The following PTPRA variants were observed in gnomAD, a reference collection of about 807,000 sequenced individuals.
The protein encoded by PTPRA is protein tyrosine phosphatase receptor type A, also known as receptor-type tyrosine-protein phosphatase alpha.
Under a neutral mutation model 104.8 loss-of-function variants are expected in PTPRA, and 25 were observed. The ratio of observed to expected loss-of-function variants is 0.24; its 90% CI spans 0.17 to 0.33. The LOEUF (loss-of-function observed/expected upper bound fraction) is 0.33. PTPRA is among the 10% of genes least tolerant of loss of function. The probability of loss-of-function intolerance (pLI) is 1.00; values close to 1 mark genes in which losing one functional copy is unlikely to be tolerated. For missense variants in PTPRA, 765 were observed against 1,015.3 expected (o/e 0.75, Z 3.35); for synonymous variants, 323 against 368.9 (o/e 0.88, Z 1.43).
chr20:2,964,339 A>G lies in PTPRA; in HGVS notation c.62A>G (p.Asn21Ser), dbSNP rs748656242. 1.3e-5 allele frequency: 21 copies of G among 1,599,796 alleles called. No individual in the cohort carries two copies. Among genetic ancestry groups the G allele is most frequent in the East Asian group, 4.5e-5 (2 of 44,676 alleles). The change falls in exon 4 of 24, where the codon AAT (asparagine) becomes AGT (serine). Residue 21 changes from asparagine (N) to serine (S), a missense_variant. Physicochemically the swap from Asn to Ser is conservative, Grantham distance 46. Coordinates refer to ENST00000399903, the MANE Select transcript of PTPRA (RefSeq NM_001385305.1). ...GSGLICVSAN[N>S]ATTVAPSVGI... ...GGTCTGATATGTGTCAGTGCCAACA[A>G]TGCTACCACAGGTAAATTGTCATTT...
At chr20:3,019,947 G>A (rs1325650111) in intron 13 of PTPRA, among the ~76,000 whole-genome samples, 2 of 151,904 alleles carry the variant, frequency 1.3e-5, no homozygotes, top group Admixed American at 6.5e-5. Flanking sequence ...GGCGGCGCGC[G>A]CCTGCAATCG....
At chr20:2,927,790 A>G (rs1283203820) in intron 2 of PTPRA, among the ~76,000 whole-genome samples, 1 of 152,084 alleles carries the variant, frequency 6.6e-6, no homozygotes, top group East Asian at 1.9e-4. Context: ...CAGGTGGATC[A>G]CTTGAGGCCA....
intron 20 of PTPRA, among the ~76,000 whole-genome samples, chr20:3,034,552 AT>A (rs11478677): frequency 0.23 from 33,578 of 143,504 alleles, 3,734 homozygotes; most frequent in East Asian, 0.38. Context: ...CTTAATGAGA[AT>A]TTTTTTTTTT....
rs548739921 is a variant in PTPRA, at chr20:2,884,589, C to T, written c.-129+10829C>T. The stretch of plus-strand genomic sequence containing the variant: ...TATGTTCTTTGGGGAAATGTCTGTT[C>T]AGATACTTGGCTCATTTTAAAATTT... On this transcript the variant is annotated intron_variant, in intron 1 of 23. Coordinates refer to ENST00000399903, the MANE Select transcript of PTPRA (RefSeq NM_001385305.1). 2.0e-5 allele frequency among the ~76,000 whole-genome samples: 3 copies of T among 152,216 alleles called. No individual in the cohort carries two copies. The South Asian group carries it at 6.2e-4, about 32-fold the overall frequency.
At chr20:2,873,066 A>T (rs574383080), upstream of PTPRA, among the ~76,000 whole-genome samples, 2 of 152,284 alleles carry the variant, frequency 1.3e-5, no homozygotes, top group African/African-American at 4.8e-5. The surrounding 1 kb of genome is among the most constrained non-coding windows in gnomAD (Gnocchi z 4.4). Context: ...GGGGAGGGAA[A>T]AAAAAGACCC....
chr20:2,959,952 A>C (rs569961728), intron 3 of PTPRA, among the ~76,000 whole-genome samples: 1 of 152,066 alleles, frequency 6.6e-6, no homozygotes, highest in Non-Finnish European at 1.5e-5. Flanking sequence ...CTCCGTCCTA[A>C]AAAAAGAAAG....
chr20:2,946,213 A>T (rs2061124682), intron 2 of PTPRA, among the ~76,000 whole-genome samples: 1 of 152,026 alleles, frequency 6.6e-6, no homozygotes, highest in African/African-American at 2.4e-5. Flanking sequence ...ATGTGGGAGG[A>T]GGGAGGGGAG....
chr20:2,998,972 T>G (rs1600231996), intron 9 of PTPRA, among the ~76,000 whole-genome samples: 1 of 137,626 alleles, frequency 7.3e-6, no homozygotes, highest in African/African-American at 3.4e-5. Flanking sequence ...TATGACATTA[T>G]AGAATTAATA....
At chr20:2,923,665 G>A (rs2060182233) in intron 2 of PTPRA, among the ~76,000 whole-genome samples, 1 of 152,050 alleles carries the variant, frequency 6.6e-6, no homozygotes, top group African/African-American at 2.4e-5. Context: ...CAGATGTGGT[G>A]GCATGTGCCT....
chr20:2,868,942 T>C (rs927153416), upstream of PTPRA, among the ~76,000 whole-genome samples: 1 of 152,218 alleles, frequency 6.6e-6, no homozygotes. Context: ...CAAATGTATA[T>C]CAACAGTGAT....
intron 13 of PTPRA, 48 bp from the exon 14 acceptor site, chr20:3,021,261 A>G: frequency 6.2e-7 from 1 of 1,611,420 alleles, no homozygotes; most frequent in Non-Finnish European, 8.5e-7. Context: ...TGCATCTGCC[A>G]TGGGCAGGAG....
intron 20 of PTPRA, among the ~76,000 whole-genome samples, chr20:3,030,549 A>G (rs371925231): frequency 6.6e-6 from 1 of 152,206 alleles, no homozygotes; most frequent in Non-Finnish European, 1.5e-5. Context: ...ACACTTATAC[A>G]GTGACACTAC....
At chr20:2,866,682 G>A in the PTPRA span, 4,049 of 1,490,246 alleles carry the variant, frequency 2.7e-3, 44 homozygotes, top group South Asian at 0.023. Flanking sequence ...GCTGAGGAGC[G>A]GGGGCATGGT....
chr20:2,904,615 C>T (rs542868637), intron 1 of PTPRA, among the ~76,000 whole-genome samples: 34 of 148,606 alleles, frequency 2.3e-4, no homozygotes, highest in African/African-American at 8.2e-4. Flanking sequence ...TTGCAGTGAG[C>T]CGAGATCACA....
At chr20:2,931,275 A>G (rs1468872047) in intron 2 of PTPRA, among the ~76,000 whole-genome samples, 2 of 152,192 alleles carry the variant, frequency 1.3e-5, no homozygotes, top group African/African-American at 4.8e-5. Flanking sequence ...TGCAAGTAGA[A>G]AGACCAGAGA....
chr20:3,011,738 C>T (rs2064179216), intron 11 of PTPRA, among the ~76,000 whole-genome samples: 1 of 152,176 alleles, frequency 6.6e-6, no homozygotes, highest in African/African-American at 2.4e-5. Context: ...GTGTACTTTT[C>T]ATCCACTCTT....
intron 6 of PTPRA, among the ~76,000 whole-genome samples, chr20:2,976,056 G>A (rs1336927888): frequency 1.3e-5 from 2 of 152,098 alleles, no homozygotes; most frequent in African/African-American, 4.8e-5. Context: ...TAAGTAGGGA[G>A]CATTTGAGTC....
chr20:2,912,895 A>C (rs531512711), intron 1 of PTPRA, among the ~76,000 whole-genome samples: 101 of 152,368 alleles, frequency 6.6e-4, no homozygotes, highest in African/African-American at 2.3e-3. Context: ...AATTTTACTA[A>C]GGAAGAATTA....
chr20:2,956,660 AAAAATAAAT>A lies in PTPRA; in HGVS notation c.-6-7608_-6-7600del, dbSNP rs1025139965. ...AGAGCAAGACCCTGTCTCAGTAAAT[AAAAATAAAT>A]AAATAAATAAATAAATAAATAAATA... On this transcript the variant is annotated intron_variant, in intron 3 of 23. Coordinates refer to ENST00000399903, the MANE Select transcript of PTPRA (RefSeq NM_001385305.1). Among the ~76,000 whole-genome samples, 3 of 91,172 alleles carry A rather than the reference AAAAATAAAT, an allele frequency of 3.3e-5. No homozygotes were observed. In the Admixed American group the frequency reaches 3.7e-4, roughly 11 times the overall value. 59.8% of individuals were successfully genotyped at this position (91,172 alleles called of 152,430 possible). A position where few individuals can be genotyped will look rare whatever the true frequency, so the allele number is the denominator to read the frequency against.
Sources: gnomAD v4.1 joint callset for allele counts (sites outside exome capture counted in the v4.1 genomes callset) on GRCh38, gnomAD v4.1.1 for gene constraint, Gnocchi (gnomAD v3.1) non-coding constraint, MANE v1.5 for transcripts, NCBI Gene and HGNC (gene_info 2026-07-23, HGNC 2026-07-21) for gene names.